The following CAMSAP3 variants were observed in gnomAD, a reference collection of about 807,000 sequenced individuals.
CAMSAP3 encodes calmodulin-regulated spectrin-associated protein 3.
A neutral mutation model predicts 112.5 loss-of-function variants in CAMSAP3; 34 were observed. The ratio of observed to expected loss-of-function variants is 0.30; its 90% CI spans 0.23 to 0.40. The LOEUF (loss-of-function observed/expected upper bound fraction) is 0.40. Among genes scored for constraint, CAMSAP3 ranks in the 10% least tolerant of loss-of-function variants. The probability of loss-of-function intolerance (pLI) is 1.00; values close to 1 mark genes in which losing one functional copy is unlikely to be tolerated. For missense variants in CAMSAP3, 1,602 were observed against 1,770.3 expected, an observed-to-expected ratio of 0.90 and a Z score of 1.71; for synonymous variants, 868 against 799.8, an observed-to-expected ratio of 1.09 and a Z score of -1.44.
chr19:7,608,157 G>A lies in CAMSAP3; in HGVS notation c.653G>A (p.Arg218Gln), dbSNP rs770193714. 6.8e-6 allele frequency: 11 copies of A among 1,611,960 alleles called. No individual in the cohort carries two copies. Among genetic ancestry groups the A allele is most frequent in the East Asian group, 2.2e-5 (1 of 44,884 alleles). Reference protein sequence around the residue: ...IRYRKDRVVARRAPCFPTVTS... With the variant: ...IRYRKDRVVAQRAPCFPTVTS... ...TACCGCAAGGACCGTGTGGTGGCGC[G>A]ACGTGCCCCCTGCTTCCCGACGGTG... is the stretch of plus-strand genomic sequence containing the variant. The change falls in exon 5 of 17, where the codon CGA becomes CAA. Residue 218 changes from arginine (R) to glutamine (Q), a missense_variant. This residue lies in a region of CAMSAP3 where 112 missense variants were observed against 94.2 expected (regional missense o/e 1.19). Coordinates refer to ENST00000160298, the MANE Select transcript of CAMSAP3 (RefSeq NM_020902.2).
intron 1 of CAMSAP3, among the ~76,000 whole-genome samples, chr19:7,597,743 A>T (rs1277260497): frequency 1.3e-5 from 2 of 152,326 alleles, no homozygotes; most frequent in Middle Eastern, 6.8e-3. Context: ...TTTGATGAAT[A>T]ATATTAACGT....
intron 14 of CAMSAP3, among the ~76,000 whole-genome samples, chr19:7,616,988 G>A (rs563473164): frequency 2.5e-4 from 31 of 125,778 alleles, no homozygotes; most frequent in African/African-American, 3.1e-5. Flanking sequence ...TTGCTGTGTC[G>A]CCCAGGCTGG....
chr19:7,597,679 G>A (rs148137201), intron 1 of CAMSAP3, among the ~76,000 whole-genome samples: 1 of 152,238 alleles, frequency 6.6e-6, no homozygotes, highest in Non-Finnish European at 1.5e-5. Flanking sequence ...GGCACGGGGC[G>A]CGTGATACAT....
intron 2 of CAMSAP3, 104 bp from the exon 3 acceptor site, chr19:7,606,167 C>CCCCAA: frequency 3.6e-6 from 3 of 841,174 alleles, no homozygotes; most frequent in Non-Finnish European, 5.3e-6. Context: ...CCCCCCCCGT[C>CCCCAA]AAGTCCCTCC....
At chr19:7,596,565 G>T (rs1320708608) in intron 1 of CAMSAP3, among the ~76,000 whole-genome samples, 5 of 152,050 alleles carry the variant, frequency 3.3e-5, no homozygotes, top group African/African-American at 1.2e-4. Context: ...TCTCCTCTCG[G>T]TCTCTTCCCC....
rs57108239 is a variant in CAMSAP3, at chr19:7,606,156, A to ACCCCC, written c.403-111_403-107dup. The ACCCCC allele has an allele frequency of 2.8e-4, 63 of 227,838 alleles. 1 individual carries two copies. Among genetic ancestry groups the ACCCCC allele is most frequent in the African/African-American group, 2.2e-3 (51 of 23,596 alleles). The allele number at this position is 227,838 out of a possible 1,614,324, so 14.1% of individuals were successfully genotyped here. ...CACTGGCCCCGCCCCCTCAAGCCCC[A>ACCCCC]CCCCCCCCGTCAAGTCCCTCCCATC... is the stretch of plus-strand genomic sequence containing the variant. On this transcript the variant is annotated intron_variant, in intron 2 of 16. Coordinates refer to ENST00000160298, the MANE Select transcript of CAMSAP3 (RefSeq NM_020902.2).
chr19:7,613,555 T>C (rs1204162655), intron 11 of CAMSAP3, among the ~76,000 whole-genome samples: 6 of 135,712 alleles, frequency 4.4e-5, no homozygotes, highest in African/African-American at 1.7e-4. Flanking sequence ...GGGTTTCCAG[T>C]GGGGGCTGAC....
rs11879444 is a variant in CAMSAP3 at position 7,616,866 on chromosome 19, C to A, written c.3212+244C>A. ...GTGTTCCTGTGGGAGGAGGACAGCA[C>A]GGGGCACTGCATGGACTTGGGAGGG... is the stretch of plus-strand genomic sequence containing the variant. On this transcript the variant is annotated intron_variant, in intron 14 of 16. Transcript: ENST00000160298. 8.7e-5 allele frequency among the ~76,000 whole-genome samples: 13 copies of A among 148,996 alleles called. No homozygotes were observed. The East Asian group carries it at 2.4e-3, about 27-fold the overall frequency.
rs549080555 is a variant in CAMSAP3 at position 7,617,378 on chromosome 19, G to C, written c.3265G>C (p.Glu1089Gln). The part of the protein sequence containing the change: ...MSPSRLPGSR[E>Q]RDWENGSNAS... The stretch of plus-strand genomic sequence containing the variant: ...CCCAAGCCGCCTGCCTGGAAGCCGC[G>C]AACGGGACTGGGAAAATGGCAGCAA... Residue 1089 changes from glutamate (E) to glutamine (Q), a missense_variant, in exon 15 of 17, where the codon GAA (glutamate) becomes CAA (glutamine). Glu to Gln is a conservative substitution (Grantham distance 29). Coordinates refer to ENST00000160298, the MANE Select transcript of CAMSAP3 (RefSeq NM_020902.2). This position sits in a 1 kb window ranked among gnomAD's most constrained non-coding sequence, Gnocchi z 7.5. 5.4e-5 allele frequency: 87 copies of C among 1,614,048 alleles called. 1 individual carries two copies. In the South Asian group the frequency reaches 9.6e-4, roughly 18 times the overall value.
Position 7,612,812 on chromosome 19 carries a change from G to C in CAMSAP3, c.2319G>C (p.Gly773=). The C allele has an allele frequency of 6.5e-7, 1 of 1,549,912 alleles. No individual in the cohort carries two copies. Among genetic ancestry groups the C allele is most frequent in the South Asian group, 1.2e-5 (1 of 84,238 alleles). The change falls in exon 11 of 17, where the codon GGG becomes GGC. Residue 773 remains glycine, a synonymous_variant. Transcript: ENST00000160298. ...CCACCCGGCGCAGCCCTGGGCCCGG[G>C]CCCAGCCAGTCACCCCGCAGCCCGA... The part of the protein sequence containing the change: ...VPATRRSPGP[G]PSQSPRSPKH...
intron 13 of CAMSAP3, among the ~76,000 whole-genome samples, chr19:7,616,108 G>A (rs2030774007): frequency 2.0e-5 from 3 of 151,938 alleles, no homozygotes; most frequent in African/African-American, 7.2e-5. Flanking sequence ...AATCGCTTGA[G>A]CCTGGGAGGT....
At position 7,611,614 on chromosome 19, in the gene CAMSAP3, G is replaced by A. The variant is rs377241150; in HGVS notation, c.1193+28G>A. ...GAGTAGACCTCACAGGCCAGGGTAG[G>A]GGGTGGAGCAGGCTAGGGCGGGTTG... On this transcript the variant is annotated intron_variant, in intron 10 of 16. Transcript: ENST00000160298. The surrounding 1 kb of genome is among the most constrained non-coding windows in gnomAD (Gnocchi z 6.9). The A allele has an allele frequency of 3.7e-6, 6 of 1,607,632 alleles. No homozygotes were observed. In the African/African-American group the frequency reaches 4.0e-5, roughly 11 times the overall value.
Position 7,607,859 on chromosome 19 carries a change from A to C in CAMSAP3, c.622-267A>C. ...TCTGTTTGAAGGAGTCGGGGAGCAA[A>C]CCCCCCATGGTAATGTATCCCCCGC... On this transcript the variant is annotated intron_variant, in intron 4 of 16. Transcript: ENST00000160298. The surrounding 1 kb of genome is among the most constrained non-coding windows in gnomAD (Gnocchi z 4.9). 7.6e-7 allele frequency: 1 copy of C among 1,317,046 alleles called. No homozygotes were observed. The highest frequency in any genetic ancestry group is 1.0e-6 in the Non-Finnish European group (1 of 960,896). The allele number at this position is 1,317,046 out of a possible 1,614,324, so 81.6% of individuals were successfully genotyped here.
In CAMSAP3 at chr19:7,617,382, G is replaced by C; in HGVS notation, c.3269G>C (p.Arg1090Pro). 6.2e-7 allele frequency: 1 copy of C among 1,614,100 alleles called. No homozygotes were observed. Residue 1090 changes from arginine (R) to proline (P), a missense_variant, in exon 15 of 17, where the codon CGG (arginine) becomes CCG (proline). Coordinates refer to ENST00000160298, the MANE Select transcript of CAMSAP3 (RefSeq NM_020902.2). This position sits in a 1 kb window ranked among gnomAD's most constrained non-coding sequence, Gnocchi z 7.5. ...SPSRLPGSRE[R>P]DWENGSNASS... Reference sequence around the variant, plus strand: ...AGCCGCCTGCCTGGAAGCCGCGAACGGGACTGGGAAAATGGCAGCAATGCC... The same window carrying C: ...AGCCGCCTGCCTGGAAGCCGCGAACCGGACTGGGAAAATGGCAGCAATGCC...
At chr19:7,604,590 T>C (rs1253997722) in intron 1 of CAMSAP3, among the ~76,000 whole-genome samples, 1 of 152,172 alleles carries the variant, frequency 6.6e-6, no homozygotes, top group Admixed American at 6.5e-5. Flanking sequence ...ACTCCCTCGA[T>C]GTGCCTGTGG....
rs1186155107 is a variant in CAMSAP3 at position 7,595,954 on chromosome 19, C to T, written c.-49C>T. 9.2e-6 allele frequency: 9 copies of T among 978,182 alleles called. No individual in the cohort carries two copies. The highest frequency in any genetic ancestry group is 3.6e-5 in the African/African-American group (2 of 56,144). The allele number at this position is 978,182 out of a possible 1,614,324, so 60.6% of individuals were successfully genotyped here. ...GGGGCGCGAGCGCGGCGCAGCCCAG[C>T]CCAGCCCAGTCCGAGCGCGGACCCG... On this transcript the variant is annotated 5_prime_UTR_variant, in exon 1 of 17. Coordinates refer to ENST00000160298, the MANE Select transcript of CAMSAP3 (RefSeq NM_020902.2).
chr19:7,605,550 G>T, intron 2 of CAMSAP3, 71 bp downstream of exon 2: 1 of 1,394,472 alleles, frequency 7.2e-7, no homozygotes, highest in East Asian at 2.8e-5. Flanking sequence ...CCTCCCGCCA[G>T]TCCTGGCTCC....
Position 7,596,089 on chromosome 19 carries a change from C to A in CAMSAP3, c.87C>A (p.Phe29Leu), listed in dbSNP as rs866113243. The A allele has an allele frequency of 2.4e-6, 3 of 1,269,684 alleles. No homozygotes were observed. The highest frequency in any genetic ancestry group is 3.1e-6 in the Non-Finnish European group (3 of 979,066). The allele number at this position is 1,269,684 out of a possible 1,614,324, so 78.7% of individuals were successfully genotyped here. The change falls in exon 1 of 17, where the codon TTC becomes TTA. Residue 29 changes from phenylalanine (F) to leucine (L), a missense_variant. This residue lies in a region of CAMSAP3 where 147 missense variants were observed against 144.6 expected (regional missense o/e 1.02). Transcript: ENST00000160298. Reference sequence around the variant, plus strand: ...TCAAGTCGCTGGACCAGTACGATTTCTCGCGGGCCAAGGCGGCGGCCAGCC... The same window carrying A: ...TCAAGTCGCTGGACCAGTACGATTTATCGCGGGCCAAGGCGGCGGCCAGCC... ...PEIKSLDQYD[F>L]SRAKAAASLA... is the part of the protein sequence containing the mutation.
At chr19:7,597,069 G>A (rs1049282213) in intron 1 of CAMSAP3, among the ~76,000 whole-genome samples, 1 of 152,192 alleles carries the variant, frequency 6.6e-6, no homozygotes, top group Non-Finnish European at 1.5e-5. Flanking sequence ...GAAGACAGGG[G>A]TTAATTAAGG....
Sources: gnomAD v4.1 joint callset for allele counts (sites outside exome capture counted in the v4.1 genomes callset) on GRCh38, gnomAD v4.1.1 for gene constraint, gnomAD v4.1.1 regional missense constraint, Gnocchi (gnomAD v3.1) non-coding constraint, MANE v1.5 for transcripts, NCBI Gene and HGNC (gene_info 2026-07-23, HGNC 2026-07-21) for gene names.